CRISPLD2: variants seen among roughly 807,000 people sequenced by gnomAD.
The protein encoded by CRISPLD2 is cysteine-rich secretory protein LCCL domain-containing 2.
CRISPLD2 carries 47 observed loss-of-function variants against 71.1 expected under a neutral mutation model. That is an observed-to-expected ratio of 0.66 (90% CI 0.52 to 0.84). CRISPLD2 has a LOEUF of 0.84. Among genes scored for constraint, CRISPLD2 ranks in the 40% least tolerant of loss-of-function variants. The pLI, the probability that CRISPLD2 is intolerant of heterozygous loss-of-function variation, is 0.00. For missense variants in CRISPLD2, 830 were observed against 651.1 expected, an observed-to-expected ratio of 1.27 and a Z score of -2.99; for synonymous variants, 317 against 250.1, an observed-to-expected ratio of 1.27 and a Z score of -2.52.
chr16:84,846,471 C>G (rs1916917060), intron 3 of CRISPLD2, among the ~76,000 whole-genome samples: 1 of 152,130 alleles, frequency 6.6e-6, no homozygotes, highest in Admixed American at 6.5e-5. Flanking sequence ...CCAGGGTGGT[C>G]TCGAACTCCT....
At chr16:84,875,723 ATTTT>A (rs35350672) in intron 11 of CRISPLD2, among the ~76,000 whole-genome samples, 1 of 128,868 alleles carries the variant, frequency 7.8e-6, no homozygotes, top group African/African-American at 2.8e-5. Flanking sequence ...TGTCCAGCTA[ATTTT>A]TTTTTTTTTT....
intron 14 of CRISPLD2, among the ~76,000 whole-genome samples, chr16:84,892,437 G>C (rs1328521348): frequency 6.6e-6 from 1 of 152,182 alleles, no homozygotes; most frequent in East Asian, 1.9e-4. Flanking sequence ...GAGCCTGTTA[G>C]ATGTGGAAAT....
In CRISPLD2 at chr16:84,873,923, A is replaced by G. The variant is rs777442285; in HGVS notation, c.1116A>G (p.Lys372=). Reference sequence around the variant, plus strand: ...TTTTTTTTTTTTTTTTAAACAGCAAATACAAACCTTCCAGCTCATTCATGG... The same window carrying G: ...TTTTTTTTTTTTTTTTAAACAGCAAGTACAAACCTTCCAGCTCATTCATGG... The part of the protein sequence containing the change: ...SERHGVQSLS[K]YKPSSSFMVS... Residue 372 remains lysine (K), a synonymous_variant, in exon 11 of 15, where the codon AAA becomes AAG. Coordinates refer to ENST00000262424, the MANE Select transcript of CRISPLD2 (RefSeq NM_031476.4). 1.3e-6 allele frequency: 2 copies of G among 1,591,948 alleles called. No homozygotes were observed. The highest frequency in any genetic ancestry group is 1.7e-6 in the Non-Finnish European group (2 of 1,173,652).
intron 12 of CRISPLD2, among the ~76,000 whole-genome samples, chr16:84,879,488 G>A (rs989447654): frequency 6.6e-6 from 1 of 151,702 alleles, no homozygotes; most frequent in Non-Finnish European, 1.5e-5. Flanking sequence ...TCAGCGTCCC[G>A]CGTAGCTGGG....
chr16:84,892,908 G>A (rs537312323), intron 14 of CRISPLD2, among the ~76,000 whole-genome samples: 25 of 150,548 alleles, frequency 1.7e-4, no homozygotes, highest in African/African-American at 5.6e-4. Flanking sequence ...ACCAGGAGGC[G>A]GAGGTTGCAC....
intron 12 of CRISPLD2, among the ~76,000 whole-genome samples, chr16:84,880,146 C>T (rs939541349): frequency 6.6e-6 from 1 of 152,194 alleles, no homozygotes; most frequent in Non-Finnish European, 1.5e-5. Flanking sequence ...TGATGCTAAT[C>T]TCCATAATGT....
Position 84,869,025 on chromosome 16 carries a change from A to G in CRISPLD2, c.914+114A>G, listed in dbSNP as rs186128504. The G allele has an allele frequency of 7.7e-3, 6,895 of 890,014 alleles. 44 individuals carry two copies. The highest frequency in any genetic ancestry group is 0.011 in the Middle Eastern group (40 of 3,586). 55.1% of individuals were successfully genotyped at this position (890,014 alleles called of 1,614,324 possible). A position where few individuals can be genotyped will look rare whatever the true frequency, so the allele number is the denominator to read the frequency against. On this transcript the variant is annotated intron_variant, in intron 8 of 14. Transcript: ENST00000262424. The stretch of plus-strand genomic sequence containing the variant: ...CTGTCCTGCTGTTGCATATTTAGCA[A>G]GCTGCTCTCAGCAGGCAGAACAGGG...
chr16:84,862,328 G>A (rs1165902719), intron 6 of CRISPLD2, among the ~76,000 whole-genome samples: 2 of 151,970 alleles, frequency 1.3e-5, no homozygotes, highest in African/African-American at 2.4e-5. Context: ...TCAGCCTCCC[G>A]AGTAGCTGGG....
rs781115960 is a variant in CRISPLD2, at chr16:84,885,812, C to CTT, written c.1306-3397_1306-3396dup. On this transcript the variant is annotated intron_variant, in intron 13 of 14. Transcript: ENST00000262424. Reference sequence around the variant, plus strand: ...TTAATGTGGGAATGTTGGATCCCTTCTTTTTTTTTTTTTTTTTTTTTTGAG... The same window carrying CTT: ...TTAATGTGGGAATGTTGGATCCCTTCTTTTTTTTTTTTTTTTTTTTTTTTGAG... Among the ~76,000 whole-genome samples the CTT allele has an allele frequency of 6.0e-3, 575 of 95,724 alleles. 21 individuals carry two copies. Among genetic ancestry groups the CTT allele is most frequent in the Middle Eastern group, 0.017 (2 of 120 alleles). 62.8% of individuals were successfully genotyped at this position (95,724 alleles called of 152,430 possible).
chr16:84,884,624 GGTGT>G (rs200302190), intron 13 of CRISPLD2, among the ~76,000 whole-genome samples: 6,977 of 152,182 alleles, frequency 0.046, 535 homozygotes, highest in African/African-American at 0.16. Context: ...TGAGAGGAGA[GGTGT>G]GGAGGAAGGA....
At chr16:84,888,814 CT>C (rs2071635794) in intron 13 of CRISPLD2, among the ~76,000 whole-genome samples, 1 of 152,222 alleles carries the variant, frequency 6.6e-6, no homozygotes, top group Non-Finnish European at 1.5e-5. Flanking sequence ...GCAGTTCCCC[CT>C]GATGAAACAA....
chr16:84,895,976 A>G (rs2071702479), intron 14 of CRISPLD2, among the ~76,000 whole-genome samples: 1 of 152,086 alleles, frequency 6.6e-6, no homozygotes. Context: ...GTACCTGTCT[A>G]ACTTTGAAAT....
At position 84,888,944 on chromosome 16, in the gene CRISPLD2, A is replaced by C. The variant is rs182864377; in HGVS notation, c.1306-286A>C. 1.8e-3 allele frequency among the ~76,000 whole-genome samples: 272 copies of C among 152,322 alleles called. 1 individual carries two copies. Among genetic ancestry groups the C allele is most frequent in the African/African-American group, 6.2e-3 (258 of 41,570 alleles). The stretch of plus-strand genomic sequence containing the variant: ...TTTGCTCACTCGACTCTTTGAAGGC[A>C]AGGTCTTTATCTTGTTCCCTGCTGA... On this transcript the variant is annotated intron_variant, in intron 13 of 14. Coordinates refer to ENST00000262424, the MANE Select transcript of CRISPLD2 (RefSeq NM_031476.4).
chr16:84,822,273 C>G (rs1221638821), intron 1 of CRISPLD2, among the ~76,000 whole-genome samples: 3 of 152,218 alleles, frequency 2.0e-5, no homozygotes, highest in South Asian at 2.1e-4. Context: ...AAGGCCTGAG[C>G]TAGGGAAGAA....
intron 7 of CRISPLD2, among the ~76,000 whole-genome samples, chr16:84,867,876 T>G (rs563671284): frequency 1.3e-5 from 2 of 152,340 alleles, no homozygotes; most frequent in African/African-American, 4.8e-5. Context: ...TCTGTCTGCC[T>G]TCACCGCCCC....
At chr16:84,892,942 CTCCA>C in intron 14 of CRISPLD2, among the ~76,000 whole-genome samples, 1 of 142,894 alleles carries the variant, frequency 7.0e-6, no homozygotes, top group Non-Finnish European at 1.5e-5. Context: ...CACCACTGTA[CTCCA>C]GCCTGGGTGA....
intron 2 of CRISPLD2, among the ~76,000 whole-genome samples, chr16:84,844,552 G>C (rs138652274): frequency 6.6e-6 from 1 of 151,562 alleles, no homozygotes; most frequent in Non-Finnish European, 1.5e-5. Context: ...TAGTAGAGAC[G>C]GGGTTTCACT....
At position 84,850,678 on chromosome 16, in the gene CRISPLD2, T is replaced by A. The variant is rs759021868; in HGVS notation, c.603T>A (p.Ser201=). 1.2e-6 allele frequency: 2 copies of A among 1,612,786 alleles called. No individual in the cohort carries two copies. Among genetic ancestry groups the A allele is most frequent in the Non-Finnish European group, 1.7e-6 (2 of 1,178,770 alleles). The part of the protein sequence containing the change: ...ENAVYFVCNY[S]PKGNWIGEAP... ...CGGTCTACTTTGTCTGCAATTATTC[T>A]CCAAAGTAAGACAAGTTGATGCCGT... The change falls in exon 5 of 15, where the codon TCT becomes TCA. Residue 201 remains serine, a synonymous_variant. Coordinates refer to ENST00000262424, the MANE Select transcript of CRISPLD2 (RefSeq NM_031476.4).
intron 14 of CRISPLD2, among the ~76,000 whole-genome samples, chr16:84,900,463 C>G (rs982756082): frequency 6.6e-6 from 1 of 152,104 alleles, no homozygotes; most frequent in Non-Finnish European, 1.5e-5. Flanking sequence ...GAGCAAGATG[C>G]AAATGAAAAT....
Sources: allele counts gnomAD v4.1 joint callset (sites outside exome capture counted in the v4.1 genomes callset), GRCh38; gene constraint gnomAD v4.1.1; transcripts MANE v1.5; gene names NCBI Gene and HGNC (gene_info 2026-07-23, HGNC 2026-07-21).